S100A13: variants seen among roughly 807,000 people sequenced by gnomAD.
The protein encoded by S100A13 is protein S100-A13.
S100A13 carries 6 observed loss-of-function variants against 8.2 expected under a neutral mutation model. The observed-to-expected ratio is 0.73, with a 90% CI of 0.40 to 1.44. The LOEUF (loss-of-function observed/expected upper bound fraction) is 1.44, where lower values mean the gene tolerates loss of function less well. S100A13 is among the 40% of genes most tolerant of loss of function. The pLI is 0.02. For missense variants in S100A13, 114 were observed against 113.6 expected, an observed-to-expected ratio of 1.00 and a Z score of -0.02; for synonymous variants, 39 against 45.9, an observed-to-expected ratio of 0.85 and a Z score of 0.61.
intron 2 of S100A13, among the ~76,000 whole-genome samples, chr1:153,621,460 A>G (rs112895328): frequency 9.0e-4 from 137 of 151,616 alleles, no homozygotes; most frequent in Non-Finnish European, 1.8e-3. Context: ...CCCGGCCTAC[A>G]GGATTCTTTT....
upstream of S100A13, chr1:153,628,505 C>A: frequency 6.4e-7 from 1 of 1,550,654 alleles, no homozygotes; most frequent in Non-Finnish European, 8.7e-7. Flanking sequence ...CCGTGAGTAC[C>A]CTGCCCCACT....
intron 2 of S100A13, among the ~76,000 whole-genome samples, chr1:153,620,995 C>G (rs1667209569): frequency 6.6e-6 from 1 of 151,804 alleles, no homozygotes; most frequent in Non-Finnish European, 1.5e-5. Flanking sequence ...AAAATGACAA[C>G]TATATATTTC....
At chr1:153,630,497 G>A (rs201919764), upstream of S100A13, 89 of 1,612,814 alleles carry the variant, frequency 5.5e-5, no homozygotes, top group Admixed American at 1.7e-5. Flanking sequence ...CTTCCATGAT[G>A]GGGGTGGGTA....
At chr1:153,625,689 C>G (rs1667572228) in intron 2 of S100A13, among the ~76,000 whole-genome samples, 1 of 152,236 alleles carries the variant, frequency 6.6e-6, no homozygotes, top group Admixed American at 6.5e-5. Context: ...CTGTGAATCT[C>G]CTGGAAGCCA....
At chr1:153,625,994 CCT>C (rs1667594736) in intron 2 of S100A13, among the ~76,000 whole-genome samples, 1 of 152,114 alleles carries the variant, frequency 6.6e-6, no homozygotes, top group Non-Finnish European at 1.5e-5. Context: ...CTGGTGAAAC[CCT>C]GTCTCTACTA....
At chr1:153,619,948 T>C (rs538894607) in intron 2 of S100A13, among the ~76,000 whole-genome samples, 1 of 152,236 alleles carries the variant, frequency 6.6e-6, no homozygotes, top group Admixed American at 6.5e-5. Flanking sequence ...TAACATTATA[T>C]TGGGGGTGCA....
chr1:153,623,521 G>A (rs1462762025), intron 2 of S100A13, among the ~76,000 whole-genome samples: 1 of 152,212 alleles, frequency 6.6e-6, no homozygotes, highest in South Asian at 2.1e-4. Flanking sequence ...AAGTAGCTGG[G>A]ATTACAGGCG....
chr1:153,626,403 C>G lies in S100A13; in HGVS notation c.70G>C (p.Ala24Pro), dbSNP rs993364090. 3 of 1,614,058 alleles carry G rather than the reference C, an allele frequency of 1.9e-6. No homozygotes were observed. Among genetic ancestry groups the G allele is most frequent in the Admixed American group, 1.7e-5 (1 of 59,998 alleles). Residue 24 changes from alanine (A) to proline (P), a missense_variant, in exon 2 of 3, where the codon GCA becomes CCA. Transcript: ENST00000476133. ...CTATCCTTCCGGCCCTCCTGCCTTG[C>G]AAAGGTGAAGAAGGTGGTGACCACG... ...ETVVTTFFTF[A>P]RQEGRKDSLS... is the part of the protein sequence containing the mutation.
At chr1:153,622,797 C>A (rs1337470755) in intron 2 of S100A13, among the ~76,000 whole-genome samples, 1 of 152,164 alleles carries the variant, frequency 6.6e-6, no homozygotes, top group Non-Finnish European at 1.5e-5. Flanking sequence ...GGAAATTAGA[C>A]CAGAAAAGCA....
At chr1:153,623,653 G>A (rs967542904) in intron 2 of S100A13, among the ~76,000 whole-genome samples, 8 of 152,168 alleles carry the variant, frequency 5.3e-5, no homozygotes, top group Non-Finnish European at 1.2e-4. Context: ...CAGGAAAAGG[G>A]AGAACGTGGA....
upstream of S100A13, chr1:153,631,010 C>T: frequency 5.9e-6 from 2 of 340,506 alleles, no homozygotes; most frequent in Non-Finnish European, 1.1e-5. Flanking sequence ...AGATTATTAA[C>T]CTGATTGAAG....
upstream of S100A13, chr1:153,628,251 A>C (rs1667792179): frequency 1.3e-6 from 2 of 1,536,430 alleles, no homozygotes; most frequent in Admixed American, 4.0e-5. Flanking sequence ...GAGAGAAAGG[A>C]ACGGGGCAAG....
At chr1:153,631,579 T>C (rs1319910450), upstream of S100A13, 3 of 1,613,772 alleles carry the variant, frequency 1.9e-6, no homozygotes, top group African/African-American at 1.3e-5. Flanking sequence ...AAGAGTCCCA[T>C]AATTCAATGC....
chr1:153,620,986 A>C lies in S100A13; in HGVS notation c.154-1948T>G, dbSNP rs147203949. Among the ~76,000 whole-genome samples, 230 of 152,320 alleles carry C rather than the reference A, an allele frequency of 1.5e-3. 1 individual carries two copies. The highest frequency in any genetic ancestry group is 5.2e-3 in the African/African-American group (218 of 41,574). ...TCTGGGAACAATTCCCATGGATACA[A>C]AATGACAACTATATATTTCATATTA... On this transcript the variant is annotated intron_variant, in intron 2 of 2. Coordinates refer to ENST00000476133, the MANE Select transcript of S100A13 (RefSeq NM_001024211.2).
chr1:153,625,397 C>T (rs1233720208), intron 2 of S100A13, among the ~76,000 whole-genome samples: 2 of 152,226 alleles, frequency 1.3e-5, no homozygotes, highest in African/African-American at 2.4e-5. Flanking sequence ...AATGACCAGG[C>T]CTCTTCGAGG....
upstream of S100A13, chr1:153,628,272 A>C: frequency 6.6e-7 from 1 of 1,523,182 alleles, no homozygotes. Flanking sequence ...CAAGGCTGGG[A>C]AAGAGACAAG....
At chr1:153,628,079 G>C, upstream of S100A13, 1 of 1,550,446 alleles carries the variant, frequency 6.4e-7, no homozygotes, top group Non-Finnish European at 8.7e-7. Flanking sequence ...CCCCATGGAG[G>C]AGCCACAGAC....
intron 2 of S100A13, among the ~76,000 whole-genome samples, chr1:153,619,933 TACTGTA>T (rs1667126511): frequency 6.6e-6 from 1 of 152,212 alleles, no homozygotes; most frequent in Non-Finnish European, 1.5e-5. Flanking sequence ...CAAGGATGGC[TACTGTA>T]ACATTATATT....
At chr1:153,634,130 A>C (rs1557935164), upstream of S100A13, 1 of 152,966 alleles carries the variant, frequency 6.5e-6, no homozygotes, top group Non-Finnish European at 1.5e-5. Context: ...AAAGGCAGGA[A>C]AGGGCAGGCC....
Sources: gnomAD v4.1 joint callset for allele counts (sites outside exome capture counted in the v4.1 genomes callset) on GRCh38, gnomAD v4.1.1 for gene constraint, MANE v1.5 for transcripts, NCBI Gene and HGNC (gene_info 2026-07-23, HGNC 2026-07-21) for gene names.